CSNK2A2IP: variants seen among roughly 807,000 people sequenced by gnomAD.
CSNK2A2IP encodes casein kinase 2 subunit alpha' interacting protein.
chr3:88,449,868 T>TAGAGAGAG, the CSNK2A2IP span, among the ~76,000 whole-genome samples: 4 of 74,214 alleles, frequency 5.4e-5, no homozygotes, highest in East Asian at 7.5e-4. Context: ...TATATATATA[T>TAGAGAGAG]ATATATAGAG....
chr3:88,456,666 T>A, the CSNK2A2IP span, among the ~76,000 whole-genome samples: 3 of 151,992 alleles, frequency 2.0e-5, no homozygotes, highest in Admixed American at 6.5e-5. Context: ...CCTTTTTTTT[T>A]TTTTTCAGAT....
the CSNK2A2IP span, among the ~76,000 whole-genome samples, chr3:88,464,709 G>GT: frequency 5.2e-3 from 779 of 151,230 alleles, 10 homozygotes; most frequent in African/African-American, 0.017. Flanking sequence ...TTTTCTCTGA[G>GT]TTTTTTTTTA....
the CSNK2A2IP span, among the ~76,000 whole-genome samples, chr3:88,463,711 G>A: frequency 2.7e-3 from 417 of 152,226 alleles, 2 homozygotes; most frequent in African/African-American, 9.3e-3. Flanking sequence ...GTGGGACTGT[G>A]AACTAGTTCA....
the CSNK2A2IP span, among the ~76,000 whole-genome samples, chr3:88,365,294 G>C: frequency 6.6e-6 from 1 of 152,176 alleles, no homozygotes; most frequent in African/African-American, 2.4e-5. Context: ...AATGTAGTTA[G>C]AACTGAGGTA....
chr3:88,410,586 T>C, the CSNK2A2IP span, among the ~76,000 whole-genome samples: 2 of 152,104 alleles, frequency 1.3e-5, no homozygotes, highest in East Asian at 1.9e-4. Flanking sequence ...TTGGTTATTA[T>C]CTTTAAAACT....
At chr3:88,414,069 A>G in the CSNK2A2IP span, among the ~76,000 whole-genome samples, 212 of 151,688 alleles carry the variant, frequency 1.4e-3, 5 homozygotes, top group African/African-American at 4.7e-3. Context: ...CATTTTCTTT[A>G]GTACAATATT....
chr3:88,420,621 AG>A, the CSNK2A2IP span, among the ~76,000 whole-genome samples: 3 of 152,198 alleles, frequency 2.0e-5, no homozygotes, highest in Non-Finnish European at 2.9e-5. Flanking sequence ...TTCATTCATG[AG>A]GAAGACAAGA....
At chr3:88,418,480 T>G in the CSNK2A2IP span, among the ~76,000 whole-genome samples, 1 of 120,018 alleles carries the variant, frequency 8.3e-6, no homozygotes, top group African/African-American at 3.0e-5. Context: ...GGGCGTGTGT[T>G]CTCTCTTGTG....
the CSNK2A2IP span, among the ~76,000 whole-genome samples, chr3:88,441,909 G>A: frequency 8.6e-3 from 1,304 of 152,174 alleles, 15 homozygotes; most frequent in African/African-American, 0.029. Context: ...AAATATGATA[G>A]AGATCTGGTG....
At chr3:88,349,453 A>G in the CSNK2A2IP span, among the ~76,000 whole-genome samples, 1 of 152,170 alleles carries the variant, frequency 6.6e-6, no homozygotes, top group East Asian at 1.9e-4. Flanking sequence ...AGTTTCTGCA[A>G]AATACATTAT....
At chr3:88,464,880 C>G in the CSNK2A2IP span, among the ~76,000 whole-genome samples, 2 of 152,046 alleles carry the variant, frequency 1.3e-5, no homozygotes, top group African/African-American at 4.8e-5. Context: ...AGTTAAATAT[C>G]ATATTTGTCT....
chr3:88,397,997 C>A, the CSNK2A2IP span, among the ~76,000 whole-genome samples: 3 of 151,952 alleles, frequency 2.0e-5, no homozygotes, highest in African/African-American at 7.2e-5. Context: ...TGGATAGGAA[C>A]CATTGTTCTA....
the CSNK2A2IP span, among the ~76,000 whole-genome samples, chr3:88,464,024 G>A: frequency 6.6e-6 from 1 of 151,814 alleles, no homozygotes; most frequent in Non-Finnish European, 1.5e-5. Context: ...GGACATGGAT[G>A]AAGCTGGAAA....
chr3:88,429,903 C>T, the CSNK2A2IP span, among the ~76,000 whole-genome samples: 1 of 147,564 alleles, frequency 6.8e-6, no homozygotes, highest in Non-Finnish European at 1.5e-5. Flanking sequence ...CAGGCGCCCG[C>T]CACCACGCCA....
At chr3:88,339,202 C>T in the CSNK2A2IP span, among the ~76,000 whole-genome samples, 1 of 152,012 alleles carries the variant, frequency 6.6e-6, no homozygotes, top group African/African-American at 2.4e-5. Context: ...CTCACTTTAT[C>T]CCCCAGTTCC....
chr3:88,349,130 A>T, the CSNK2A2IP span, among the ~76,000 whole-genome samples: 1 of 151,692 alleles, frequency 6.6e-6, no homozygotes, highest in African/African-American at 2.4e-5. Context: ...TAATAATTTT[A>T]TTTTTTGCCT....
At chr3:88,466,351 T>A in the CSNK2A2IP span, 1 of 1,231,834 alleles carries the variant, frequency 8.1e-7, no homozygotes, top group Non-Finnish European at 1.0e-6. Flanking sequence ...TGATTGTAAC[T>A]TCCAGACCAC....
the CSNK2A2IP span, among the ~76,000 whole-genome samples, chr3:88,429,009 T>A: frequency 6.7e-6 from 1 of 149,708 alleles, no homozygotes; most frequent in Non-Finnish European, 1.5e-5. Flanking sequence ...TTAGCAAATA[T>A]TGGCCCTTGA....
the CSNK2A2IP span, among the ~76,000 whole-genome samples, chr3:88,377,626 C>T: frequency 3.6e-4 from 55 of 151,838 alleles, no homozygotes; most frequent in East Asian, 1.9e-3. Context: ...TTATTGTTTA[C>T]TGCATGCTAA....
Sources: gnomAD v4.1 joint callset for allele counts (sites outside exome capture counted in the v4.1 genomes callset) on GRCh38, gnomAD v4.1.1 for gene constraint, MANE v1.5 for transcripts, NCBI Gene and HGNC (gene_info 2026-07-23, HGNC 2026-07-21) for gene names.